Variants in BMI1 observed in about 807,000 individuals in gnomAD.
BMI1 encodes the protein polycomb complex protein BMI-1.
Under a neutral mutation model 39.1 loss-of-function variants are expected in BMI1, and 9 were observed. The ratio of observed to expected loss-of-function variants is 0.23; its 90% confidence interval spans 0.14 to 0.40. The LOEUF (loss-of-function observed/expected upper bound fraction) is 0.40. Among genes scored for constraint, BMI1 ranks in the 10% least tolerant of loss-of-function variants. The pLI is 1.00. For missense variants in BMI1, 252 were observed against 390.8 expected (o/e 0.64, Z 2.99); for synonymous variants, 131 against 127.9 (o/e 1.02, Z -0.16).
At position 22,329,715 on chromosome 10, in the gene BMI1, G is replaced by A. The variant is rs575398176; in HGVS notation, c.*173G>A. On this transcript the variant is annotated 3_prime_UTR_variant, in exon 10 of 10. Transcript: ENST00000376663. ...GACTACATGTGATACTCCTATGGAC[G>A]TTAATTGAAAAGAAAGATTGTTGTT... is the stretch of plus-strand genomic sequence containing the variant. 671 of 717,010 alleles carry A rather than the reference G, an allele frequency of 9.4e-4. 1 individual carries two copies. In the African/African-American group the frequency reaches 0.011, roughly 12 times the overall value. 44.4% of individuals were successfully genotyped at this position (717,010 alleles called of 1,614,324 possible).
rs1836272248 is a variant in BMI1, at chr10:22,331,089, T to C, written c.*1547T>C. The C allele has an allele frequency of 6.6e-6, 1 of 152,618 alleles. No individual in the cohort carries two copies. 9.5% of individuals were successfully genotyped at this position (152,618 alleles called of 1,614,324 possible). A position where few individuals can be genotyped will look rare whatever the true frequency, so the allele number is the denominator to read the frequency against. On this transcript the variant is annotated 3_prime_UTR_variant, in exon 10 of 10. Transcript: ENST00000376663. The stretch of plus-strand genomic sequence containing the variant: ...ACATATATTGCTGTTACTTCTGCTT[T>C]CTTTAAAAATATAGTAAAGGATGTT...
intron 8 of BMI1, 102 bp downstream of exon 8, chr10:22,328,800 T>A: frequency 7.9e-7 from 1 of 1,270,418 alleles, no homozygotes; most frequent in Non-Finnish European, 1.1e-6. Context: ...AGAAAAAAAA[T>A]GTGAAGTTAG....
At position 22,329,308 on chromosome 10, in the gene BMI1, G is replaced by A; in HGVS notation, c.747G>A (p.Leu249=). The change falls in exon 10 of 10, where the codon CTG becomes CTA. Residue 249 remains leucine, a synonymous_variant. Coordinates refer to ENST00000376663, the MANE Select transcript of BMI1 (RefSeq NM_005180.9). ...QRDGLTNAGE[L]ESDSGSDKAN... ...ATGGACTGACAAATGCTGGAGAACT[G>A]GAAAGTGACTCTGGGAGTGACAAGG... 2 of 1,614,190 alleles carry A rather than the reference G, an allele frequency of 1.2e-6. No homozygotes were observed. The highest frequency in any genetic ancestry group is 1.7e-6 in the Non-Finnish European group (2 of 1,180,030).
Position 22,328,597 on chromosome 10 carries a change from T to A in BMI1, c.472-3T>A. The stretch of plus-strand genomic sequence containing the variant: ...AAAGTTACTTTTCTAAATGTACTTT[T>A]AGGTGAATGATAAAAGATACTTACG... On this transcript the variant is annotated splice_polypyrimidine_tract_variant and splice_region_variant and intron_variant, in intron 7 of 9. Coordinates refer to ENST00000376663, the MANE Select transcript of BMI1 (RefSeq NM_005180.9). 1 of 1,589,420 alleles carries A rather than the reference T, an allele frequency of 6.3e-7. No individual in the cohort carries two copies. Among genetic ancestry groups the A allele is most frequent in the Non-Finnish European group, 8.5e-7 (1 of 1,172,186 alleles).
At chr10:22,327,368 C>G (rs749423724) in intron 3 of BMI1, among the ~76,000 whole-genome samples, 9 of 152,024 alleles carry the variant, frequency 5.9e-5, no homozygotes, top group Non-Finnish European at 1.3e-4. Flanking sequence ...TTTGACAGAG[C>G]AAATGTGAAG....
Position 22,328,057 on chromosome 10 carries a change from A to G in BMI1, c.424A>G (p.Arg142Gly), listed in dbSNP as rs1214071588. ...ATCCATTGAATTCTTTGACCAGAACAGGTAAAATCTTTAGGCAATTTATTT... is the reference window on the plus strand; with the variant it reads ...ATCCATTGAATTCTTTGACCAGAACGGGTAAAATCTTTAGGCAATTTATTT... ...SLSIEFFDQN[R>G]LDRKVNKDKE... is the part of the protein sequence containing the mutation. The change falls in exon 6 of 10, where the codon AGA (arginine) becomes GGA (glycine). Residue 142 changes from arginine to glycine, a missense_variant and splice_region_variant. Physicochemically the swap from Arg to Gly is moderately radical, Grantham distance 125. Around this residue, in one of 4 missense-constraint regions of BMI1, gnomAD observed 67 missense variants for 69.9 expected, o/e 0.96. Coordinates refer to ENST00000376663, the MANE Select transcript of BMI1 (RefSeq NM_005180.9). 1.3e-6 allele frequency: 2 copies of G among 1,598,524 alleles called. No individual in the cohort carries two copies. The highest frequency in any genetic ancestry group is 1.7e-6 in the Non-Finnish European group (2 of 1,175,804).
Position 22,330,131 on chromosome 10 carries a change from C to T in BMI1, c.*589C>T, listed in dbSNP as rs1189803011. On this transcript the variant is annotated 3_prime_UTR_variant, in exon 10 of 10. Transcript: ENST00000376663. ...CAAAGAAAAGTGAACTTCAGTTTTA[C>T]AATCTGTATGCCTAAAAGCGGGTAC... 1 of 153,258 alleles carries T rather than the reference C, an allele frequency of 6.5e-6. No individual in the cohort carries two copies. Among genetic ancestry groups the T allele is most frequent in the African/African-American group, 2.4e-5 (1 of 41,454 alleles). 9.5% of individuals were successfully genotyped at this position (153,258 alleles called of 1,614,324 possible). A position where few individuals can be genotyped will look rare whatever the true frequency, so the allele number is the denominator to read the frequency against.
chr10:22,329,637 A>G lies in BMI1; in HGVS notation c.*95A>G, dbSNP rs558728462. ...TTTCTAGATGCTAATACATGTGACTATCGTCCAATTTGCTTTCTTTTGTAG... is the reference window on the plus strand; with the variant it reads ...TTTCTAGATGCTAATACATGTGACTGTCGTCCAATTTGCTTTCTTTTGTAG... On this transcript the variant is annotated 3_prime_UTR_variant, in exon 10 of 10. Transcript: ENST00000376663. 5.5e-5 allele frequency: 78 copies of G among 1,417,232 alleles called. No homozygotes were observed. Among genetic ancestry groups the G allele is most frequent in the African/African-American group, 4.9e-4 (34 of 69,542 alleles). The allele number at this position is 1,417,232 out of a possible 1,614,324, so 87.8% of individuals were successfully genotyped here.
At position 22,329,437 on chromosome 10, in the gene BMI1, TA is replaced by T; in HGVS notation, c.877del (p.Met293Ter). Reference protein sequence around the residue: ...HPQFPHISSTMNGTSNSPSGN... With the variant: ...HPQFPHISSTXNGTSNSPSGN... ...CACAGTTTCCTCACATTTCCAGTACTATGAATGGAACCAGCAACAGCCCCAG... is the reference window on the plus strand; with the variant it reads ...CACAGTTTCCTCACATTTCCAGTACTTGAATGGAACCAGCAACAGCCCCAG... On this transcript the variant is annotated frameshift_variant, in exon 10 of 10. Coordinates refer to ENST00000376663, the MANE Select transcript of BMI1 (RefSeq NM_005180.9). LOFTEE classifies it high-confidence loss of function. 2 of 1,614,206 alleles carry T rather than the reference TA, an allele frequency of 1.2e-6. No homozygotes were observed. Among genetic ancestry groups the T allele is most frequent in the Non-Finnish European group, 1.7e-6 (2 of 1,180,018 alleles).
Position 22,329,629 on chromosome 10 carries a change from A to G in BMI1, c.*87A>G. ...ATTACAGCTTTCTAGATGCTAATACATGTGACTATCGTCCAATTTGCTTTC... is the reference window on the plus strand; with the variant it reads ...ATTACAGCTTTCTAGATGCTAATACGTGTGACTATCGTCCAATTTGCTTTC... On this transcript the variant is annotated 3_prime_UTR_variant, in exon 10 of 10. Transcript: ENST00000376663. 6.9e-7 allele frequency: 1 copy of G among 1,449,914 alleles called. No homozygotes were observed. Among genetic ancestry groups the G allele is most frequent in the Non-Finnish European group, 9.2e-7 (1 of 1,083,142 alleles). The allele number at this position is 1,449,914 out of a possible 1,614,324, so 89.8% of individuals were successfully genotyped here.
rs374750992 is a variant in BMI1 at position 22,326,746 on chromosome 10, A to G, written c.113-144A>G. ...ATTGATTGTATTACAAGCATGCAAT[A>G]TATGTGTTCTCAGGATATGAATTAG... is the stretch of plus-strand genomic sequence containing the variant. On this transcript the variant is annotated intron_variant, in intron 2 of 9. Transcript: ENST00000376663. 3.3e-5 allele frequency: 43 copies of G among 1,300,938 alleles called. No homozygotes were observed. In the African/African-American group the frequency reaches 5.9e-4, roughly 18 times the overall value. The allele number at this position is 1,300,938 out of a possible 1,614,324, so 80.6% of individuals were successfully genotyped here.
rs1398907534 is a variant in BMI1 at position 22,321,125 on chromosome 10, A to C, written c.-591A>C. 2 of 147,494 alleles carry C rather than the reference A, an allele frequency of 1.4e-5. No homozygotes were observed. Among genetic ancestry groups the C allele is most frequent in the African/African-American group, 5.0e-5 (2 of 40,036 alleles). 9.1% of individuals were successfully genotyped at this position (147,494 alleles called of 1,614,324 possible). On this transcript the variant is annotated 5_prime_UTR_variant, in exon 1 of 10. Transcript: ENST00000376663. ...GTTTCCACTCTGCCTTCAGCGGTGC[A>C]TTTTTTTCCACCCTCCCCTCCCCCT...
chr10:22,321,765 G>A (rs1368977842), intron 1 of BMI1, 69 bp downstream of exon 1: 2 of 145,896 alleles, frequency 1.4e-5, no homozygotes, highest in Non-Finnish European at 1.5e-5. Flanking sequence ...GGCTCGGGGC[G>A]GCCGCGGGTG....
chr10:22,324,541 C>T (rs1438970468), intron 1 of BMI1, among the ~76,000 whole-genome samples: 2 of 152,246 alleles, frequency 1.3e-5, no homozygotes, highest in Non-Finnish European at 2.9e-5. Context: ...CCAGTTGCCA[C>T]TGTGGTCACT....
In BMI1 at chr10:22,321,420, GGAGGCGTTGGAGGTC is replaced by G. The variant is rs1835993589; in HGVS notation, c.-289_-275del. 1 of 160,630 alleles carries G rather than the reference GGAGGCGTTGGAGGTC, an allele frequency of 6.2e-6. No individual in the cohort carries two copies. Among genetic ancestry groups the G allele is most frequent in the African/African-American group, 2.4e-5 (1 of 41,456 alleles). The allele number at this position is 160,630 out of a possible 1,614,324, so 10.0% of individuals were successfully genotyped here. On this transcript the variant is annotated 5_prime_UTR_variant, in exon 1 of 10. Transcript: ENST00000376663. ...AGGAGGAGGAGGAGGCCCCGGAGGA[GGAGGCGTTGGAGGTC>G]GAGGCGGAGGCGGAGGAGGAGGAGG... is the stretch of plus-strand genomic sequence containing the variant.
chr10:22,328,201 CAT>C (rs1836202195), intron 7 of BMI1, 22 bp downstream of exon 7: 12 of 1,585,608 alleles, frequency 7.6e-6, no homozygotes, highest in African/African-American at 2.7e-5. Flanking sequence ...GTTACAAAAA[CAT>C]ATAGAAGAAA....
In BMI1 at chr10:22,324,156, G is replaced by A. The variant is rs1352845957; in HGVS notation, c.-19-2275G>A. On this transcript the variant is annotated intron_variant, in intron 1 of 9. Transcript: ENST00000376663. ...CCTTGTTAATACTTGTCTTTGTGTGGTGTTGGTTTTCTGCAAGCTAGAGGA... is the reference window on the plus strand; with the variant it reads ...CCTTGTTAATACTTGTCTTTGTGTGATGTTGGTTTTCTGCAAGCTAGAGGA... 2.6e-5 allele frequency among the ~76,000 whole-genome samples: 4 copies of A among 152,174 alleles called. No individual in the cohort carries two copies. The East Asian group carries it at 7.7e-4, about 29-fold the overall frequency.
In BMI1 at chr10:22,326,900, G is replaced by A. The variant is rs768963707; in HGVS notation, c.123G>A (p.Thr41=). 5 of 1,613,712 alleles carry A rather than the reference G, an allele frequency of 3.1e-6. No homozygotes were observed. The highest frequency in any genetic ancestry group is 2.2e-5 in the East Asian group (1 of 44,848). The stretch of plus-strand genomic sequence containing the variant: ...ATGTTCTACTTCTAGTCTGTAAAAC[G>A]TGTATTGTTCGTTACCTGGAGACCA... ...IIECLHSFCK[T]CIVRYLETSK... Residue 41 remains threonine, a synonymous_variant, in exon 3 of 10, where the codon ACG becomes ACA. Transcript: ENST00000376663.
At position 22,328,251 on chromosome 10, in the gene BMI1, G is replaced by GC. The variant is rs1280011474; in HGVS notation, c.471+75dup. 55 of 1,513,282 alleles carry GC rather than the reference G, an allele frequency of 3.6e-5. No homozygotes were observed. The Middle Eastern group carries it at 5.3e-4, about 15-fold the overall frequency. 93.7% of individuals were successfully genotyped at this position (1,513,282 alleles called of 1,614,324 possible). A position where few individuals can be genotyped will look rare whatever the true frequency, so the allele number is the denominator to read the frequency against. On this transcript the variant is annotated intron_variant, in intron 7 of 9. Coordinates refer to ENST00000376663, the MANE Select transcript of BMI1 (RefSeq NM_005180.9). ...TCCAGATTTTATCAGGGATTGTGTT[G>GC]CCCTTTAGAATATTAGGCTGTTAAA...
Sources: gnomAD v4.1 joint callset for allele counts (sites outside exome capture counted in the v4.1 genomes callset) on GRCh38, gnomAD v4.1.1 for gene constraint, gnomAD v4.1.1 regional missense constraint, MANE v1.5 for transcripts, NCBI Gene and HGNC (gene_info 2026-07-23, HGNC 2026-07-21) for gene names.